ZNF674: variants seen among roughly 807,000 people sequenced by gnomAD.
ZNF674 encodes zinc finger family member 674.
ZNF674 carries 2 observed loss-of-function variants against 7.0 expected under a neutral mutation model. That is an observed-to-expected ratio of 0.29 (90% CI 0.12 to 0.90). ZNF674 has a LOEUF of 0.90. ZNF674 is among the 40% of genes least tolerant of loss of function. The pLI, the probability that ZNF674 is intolerant of heterozygous loss-of-function variation, is 0.57. For synonymous variants in ZNF674, 103 were observed against 145.2 expected (o/e 0.71, Z 2.09); for missense variants, 297 against 415.5 (o/e 0.71, Z 2.48).
intron 3 of ZNF674, among the ~76,000 whole-genome samples, chrX:46,534,960 C>T (rs772693803): frequency 4.5e-5 from 5 of 110,149 alleles, no homozygotes; most frequent in Non-Finnish European, 5.7e-5. Context: ...AGGCTGGTCT[C>T]GAACTCCTAA....
chrX:46,544,610 C>T lies in ZNF674; in HGVS notation c.-139G>A, dbSNP rs1353103205. The T allele has an allele frequency of 8.9e-6, 1 of 112,145 alleles. No individual in the cohort carries two copies. Among genetic ancestry groups the T allele is most frequent in the Non-Finnish European group, 1.9e-5 (1 of 53,218 alleles). The allele number at this position is 112,145 out of a possible 1,213,427, so 9.2% of individuals were successfully genotyped here. ...CAGTGGTCTCAGGTCTGCACTCTGACCCTGGAAACACAATGACCACAGGAG... is the reference window on the plus strand; with the variant it reads ...CAGTGGTCTCAGGTCTGCACTCTGATCCTGGAAACACAATGACCACAGGAG... On this transcript the variant is annotated splice_region_variant and 5_prime_UTR_variant, in exon 2 of 6. Transcript: ENST00000683375.
intron 3 of ZNF674, among the ~76,000 whole-genome samples, chrX:46,537,781 A>G (rs1942225959): frequency 1.8e-5 from 2 of 112,068 alleles, no homozygotes; most frequent in African/African-American, 6.5e-5. Context: ...TGGGTTTTCC[A>G]TCTTCATTAA....
intron 3 of ZNF674, among the ~76,000 whole-genome samples, chrX:46,529,852 C>T (rs1942078937): frequency 9.0e-6 from 1 of 111,237 alleles, no homozygotes; most frequent in South Asian, 3.8e-4. Flanking sequence ...TTCTGCTTAG[C>T]GCTGACAGAG....
At chrX:46,504,939 G>T (rs1941503279) in intron 5 of ZNF674, among the ~76,000 whole-genome samples, 1 of 109,524 alleles carries the variant, frequency 9.1e-6, no homozygotes, top group Non-Finnish European at 1.9e-5. Flanking sequence ...GCCCAGGCTG[G>T]AGTGCAGTGG....
Position 46,500,364 on chromosome X carries a change from CTGTATGAATTCTCT to C in ZNF674, c.1196_1209del (p.Gln399ArgfsTer6), listed in dbSNP as rs778934477. 7 of 1,211,066 alleles carry C rather than the reference CTGTATGAATTCTCT, an allele frequency of 5.8e-6. No homozygotes were observed. The South Asian group carries it at 1.1e-4, about 18-fold the overall frequency. ...ATACTACATTCATAGGGTTTCTCTCCTGTATGAATTCTCTGATGAACAGAGAGGTGTGACTTTCC... is the reference window on the plus strand; with the variant it reads ...ATACTACATTCATAGGGTTTCTCTCCGATGAACAGAGAGGTGTGACTTTCC... On this transcript the variant is annotated frameshift_variant, in exon 6 of 6. Coordinates refer to ENST00000683375, the MANE Select transcript of ZNF674 (RefSeq NM_001190417.2). LOFTEE classifies it low-confidence loss of function (END_TRUNC).
chrX:46,508,890 T>A (rs1283833118), intron 5 of ZNF674, among the ~76,000 whole-genome samples: 1 of 110,969 alleles, frequency 9.0e-6, no homozygotes, highest in East Asian at 2.8e-4. Flanking sequence ...TTTCTAGATA[T>A]ACAATCATGT....
At chrX:46,531,364 C>T (rs986915438) in intron 3 of ZNF674, among the ~76,000 whole-genome samples, 4 of 111,818 alleles carry the variant, frequency 3.6e-5, no homozygotes, top group African/African-American at 1.3e-4. Context: ...CAAGGGAACC[C>T]CTGATTTGTG....
At position 46,500,762 on chromosome X, in the gene ZNF674, CCT is replaced by C. The variant is rs1445301571; in HGVS notation, c.810_811del (p.Lys273AlafsTer3). On this transcript the variant is annotated frameshift_variant, in exon 6 of 6. Transcript: ENST00000683375. LOFTEE classifies it low-confidence loss of function (END_TRUNC). Reference sequence around the variant, plus strand: ...TTCACTGCATTCATAGGGCTTCTCCCCTGTGTGAGTTCTCTGGTGTGCTATGA... The same window carrying C: ...TTCACTGCATTCATAGGGCTTCTCCCGTGTGAGTTCTCTGGTGTGCTATGA... The C allele has an allele frequency of 8.3e-7, 1 of 1,198,442 alleles. No individual in the cohort carries two copies. The highest frequency in any genetic ancestry group is 1.1e-6 in the Non-Finnish European group (1 of 889,105).
rs1941410521 is a variant in ZNF674 at position 46,500,816 on chromosome X, GCA to G, written c.756_757del (p.Ala253LysfsTer23). 1 of 1,191,287 alleles carries G rather than the reference GCA, an allele frequency of 8.4e-7. No homozygotes were observed. Among genetic ancestry groups the G allele is most frequent in the South Asian group, 1.8e-5 (1 of 55,204 alleles). On this transcript the variant is annotated frameshift_variant, in exon 6 of 6. Coordinates refer to ENST00000683375, the MANE Select transcript of ZNF674 (RefSeq NM_001190417.2). LOFTEE classifies it low-confidence loss of function (END_TRUNC). ...GGTTGACTTCTGGCTGAAGGCTTTT[GCA>G]CATTCGCAGCATTCATAAGGTTTCT...
chrX:46,511,497 G>T (rs1016510194), intron 5 of ZNF674, among the ~76,000 whole-genome samples: 1 of 111,931 alleles, frequency 8.9e-6, no homozygotes, highest in African/African-American at 3.2e-5. Flanking sequence ...ATTATTAAAT[G>T]ACATAAAAGG....
intron 5 of ZNF674, among the ~76,000 whole-genome samples, chrX:46,513,132 A>G (rs1250796823): frequency 3.6e-5 from 4 of 110,935 alleles, no homozygotes; most frequent in African/African-American, 6.5e-5. Context: ...GCGTGGTGGC[A>G]CACACCTGTA....
intron 3 of ZNF674, among the ~76,000 whole-genome samples, chrX:46,540,011 G>A (rs967441016): frequency 1.8e-5 from 2 of 111,950 alleles, no homozygotes; most frequent in Admixed American, 1.9e-4. Flanking sequence ...CTGGGAGGCC[G>A]AGGAGGGCGG....
At chrX:46,503,076 T>C (rs1489750265) in intron 5 of ZNF674, among the ~76,000 whole-genome samples, 1 of 112,242 alleles carries the variant, frequency 8.9e-6, no homozygotes, top group African/African-American at 3.2e-5. Flanking sequence ...AGTCTGCACT[T>C]AGACAAAGTT....
intron 3 of ZNF674, among the ~76,000 whole-genome samples, chrX:46,539,927 C>T (rs1001525527): frequency 2.7e-5 from 3 of 112,372 alleles, no homozygotes; most frequent in Non-Finnish European, 5.6e-5. Context: ...AACTAGCACA[C>T]ACAGGAGTGA....
At chrX:46,517,008 A>C (rs1367655051) in intron 5 of ZNF674, among the ~76,000 whole-genome samples, 1 of 110,646 alleles carries the variant, frequency 9.0e-6, no homozygotes, top group East Asian at 2.8e-4. Flanking sequence ...TGTCTCAAAA[A>C]AAAAAAAAGA....
intron 5 of ZNF674, among the ~76,000 whole-genome samples, chrX:46,521,146 A>G (rs747744174): frequency 9.5e-6 from 1 of 104,886 alleles, no homozygotes; most frequent in East Asian, 3.1e-4. Flanking sequence ...TGGAGGTTGC[A>G]GTGAGCCAAG....
intron 3 of ZNF674, among the ~76,000 whole-genome samples, chrX:46,540,137 G>A (rs1437693894): frequency 9.0e-6 from 1 of 110,808 alleles, no homozygotes; most frequent in East Asian, 2.8e-4. Flanking sequence ...CCAGCTACTC[G>A]GGAGGCTGAG....
Position 46,498,739 on chromosome X carries a change from AAAAAG to A in ZNF674, c.*1099_*1103del, listed in dbSNP as rs1176155574. The A allele has an allele frequency of 1.9e-5, 2 of 108,066 alleles. No individual in the cohort carries two copies. The highest frequency in any genetic ancestry group is 6.7e-5 in the African/African-American group (2 of 29,736). The allele number at this position is 108,066 out of a possible 1,213,427, so 8.9% of individuals were successfully genotyped here. A position where few individuals can be genotyped will look rare whatever the true frequency, so the allele number is the denominator to read the frequency against. On this transcript the variant is annotated 3_prime_UTR_variant, in exon 6 of 6. Coordinates refer to ENST00000683375, the MANE Select transcript of ZNF674 (RefSeq NM_001190417.2). ...GTCTCTACTAAAAAAAAAAAAAAAA[AAAAAG>A]AATTAGCCGGGTGTGGTGGTGGGTG...
intron 5 of ZNF674, 198 bp downstream of exon 5, chrX:46,528,152 G>A (rs763335379): frequency 2.3e-4 from 114 of 489,589 alleles, no homozygotes; most frequent in Non-Finnish European, 1.6e-4. Context: ...TGAATGCCAA[G>A]CAAAGAACAC....
Sources: allele counts gnomAD v4.1 joint callset (sites outside exome capture counted in the v4.1 genomes callset), GRCh38; gene constraint gnomAD v4.1.1; transcripts MANE v1.5; gene names NCBI Gene and HGNC (gene_info 2026-07-23, HGNC 2026-07-21).